ARSL: variants seen among roughly 807,000 people sequenced by gnomAD.
The protein encoded by ARSL is arylsulfatase E (chondrodysplasia punctata 1).
ARSL carries 4 observed loss-of-function variants against 31.1 expected under a neutral mutation model. The ratio of observed to expected loss-of-function variants is 0.13; its 90% CI spans 0.06 to 0.29. The LOEUF is 0.29. ARSL is among the 10% of genes least tolerant of loss of function. The pLI is 1.00. For missense variants in ARSL, 312 were observed against 497.8 expected (o/e 0.63, Z 3.55); for synonymous variants, 198 against 209.9 (o/e 0.94, Z 0.49).
intron 2 of ARSL, among the ~76,000 whole-genome samples, chrX:2,960,134 T>C (rs2089593872): frequency 1.1e-5 from 1 of 89,116 alleles, no homozygotes; most frequent in African/African-American, 4.1e-5. Flanking sequence ...CCGGGCGTGG[T>C]GGCAGGCGCC....
intron 7 of ARSL, among the ~76,000 whole-genome samples, chrX:2,945,211 C>G (rs141088529): frequency 0.015 from 1,671 of 110,703 alleles, 29 homozygotes; most frequent in African/African-American, 0.051. Context: ...GGTGTGGAAG[C>G]CCTGACAGGG....
At chrX:2,949,897 G>A (rs949128602) in intron 5 of ARSL, among the ~76,000 whole-genome samples, 170 bp from the exon 6 acceptor site, 2 of 112,381 alleles carry the variant, frequency 1.8e-5, no homozygotes, top group African/African-American at 3.2e-5. Context: ...TGGCCTCATC[G>A]TTTCAGGGGA....
intron 3 of ARSL, among the ~76,000 whole-genome samples, chrX:2,957,721 A>G (rs1369709665): frequency 7.4e-5 from 8 of 107,706 alleles, no homozygotes; most frequent in Admixed American, 1.0e-4. Context: ...AAAAAAAAAA[A>G]AAAAGAAAAG....
rs2089174585 is a variant in ARSL at position 2,934,886 on chromosome X, G to A, written c.1716C>T (p.Pro572=). ...AGCAGAGGGGGAACGGGCCACAGCA[G>A]GGCTGCAGCCACGGTCTCCAGATGT... ...LGNIWRPWLQ[P]CCGPFPLCWC... is the part of the protein sequence containing the mutation. Residue 572 remains proline, a synonymous_variant, in exon 11 of 11, where the codon CCC becomes CCT. Transcript: ENST00000381134. 1.7e-6 allele frequency: 2 copies of A among 1,201,435 alleles called. No homozygotes were observed. The highest frequency in any genetic ancestry group is 1.1e-6 in the Non-Finnish European group (1 of 889,207).
At chrX:2,939,764 C>T (rs1473086361) in intron 8 of ARSL, among the ~76,000 whole-genome samples, 1 of 108,513 alleles carries the variant, frequency 9.2e-6, no homozygotes, top group Non-Finnish European at 1.9e-5. Context: ...CGGGGCAGCA[C>T]ATTTTAGCAT....
chrX:2,947,576 G>A lies in ARSL; in HGVS notation c.855-1442C>T, dbSNP rs186748581. On this transcript the variant is annotated intron_variant, in intron 6 of 10. Coordinates refer to ENST00000381134, the MANE Select transcript of ARSL (RefSeq NM_000047.3). ...TCTAATCTAGATCCTTGAAGCCTAA[G>A]AGCAATGGTGAAGGTGTTAGCCTTA... 2.7e-5 allele frequency among the ~76,000 whole-genome samples: 3 copies of A among 112,253 alleles called. No homozygotes were observed. The East Asian group carries it at 8.4e-4, about 32-fold the overall frequency.
intron 2 of ARSL, among the ~76,000 whole-genome samples, chrX:2,958,641 G>GT (rs1569109935): frequency 4.4e-4 from 49 of 111,536 alleles, no homozygotes; most frequent in African/African-American, 1.6e-3. Flanking sequence ...AAGTTTTTTG[G>GT]GTTTTTTTTG....
At chrX:2,962,707 A>G (rs2089654145) in intron 1 of ARSL, among the ~76,000 whole-genome samples, 1 of 111,790 alleles carries the variant, frequency 8.9e-6, no homozygotes, top group Non-Finnish European at 1.9e-5. Context: ...GAGAAAGACA[A>G]TGAGCTTTGT....
upstream of ARSL, chrX:2,964,622 C>T (rs181946868): frequency 3.7e-3 from 836 of 224,613 alleles, no homozygotes; most frequent in Non-Finnish European, 4.9e-3. Context: ...CTGCCAGTGT[C>T]CTTAGGTTTT....
At chrX:2,959,850 G>T in intron 2 of ARSL, 1 of 503,038 alleles carries the variant, frequency 2.0e-6, no homozygotes, top group Non-Finnish European at 2.9e-6. Context: ...GAGCCCAGGT[G>T]TTTAAGACCA....
At position 2,949,698 on chromosome X, in the gene ARSL, A is replaced by T. The variant is rs780432313; in HGVS notation, c.460T>A (p.Ser154Thr). ...GGGTGGTGGCAATGATCACTGGCTGACTCACAGTTGAGACCCAGATGCCAT... is the reference window on the plus strand; with the variant it reads ...GGGTGGTGGCAATGATCACTGGCTGTCTCACAGTTGAGACCCAGATGCCAT... ...GKWHLGLNCESASDHCHHPLH... is the reference protein window; with the variant it reads ...GKWHLGLNCETASDHCHHPLH... The change falls in exon 6 of 11, where the codon TCA becomes ACA. Residue 154 changes from serine (S) to threonine (T), a missense_variant. Coordinates refer to ENST00000381134, the MANE Select transcript of ARSL (RefSeq NM_000047.3). 1 of 1,211,398 alleles carries T rather than the reference A, an allele frequency of 8.3e-7. No individual in the cohort carries two copies. Among genetic ancestry groups the T allele is most frequent in the Non-Finnish European group, 1.1e-6 (1 of 895,343 alleles).
upstream of ARSL, chrX:2,968,239 A>T: frequency 1.9e-6 from 2 of 1,079,799 alleles, no homozygotes; most frequent in Non-Finnish European, 2.5e-6. Context: ...CAAAACAGAC[A>T]CGCACTGGCT....
intron 6 of ARSL, among the ~76,000 whole-genome samples, chrX:2,946,655 T>C (rs2089388280): frequency 9.3e-6 from 1 of 107,642 alleles, no homozygotes; most frequent in Non-Finnish European, 1.9e-5. Flanking sequence ...ACCATGCCTT[T>C]CTGGTCTGTT....
intron 3 of ARSL, among the ~76,000 whole-genome samples, chrX:2,956,848 G>A (rs1206340545): frequency 2.7e-5 from 3 of 110,545 alleles, no homozygotes; most frequent in East Asian, 2.9e-4. Context: ...GGGCTCAAGT[G>A]ATCCTCCCAC....
intron 2 of ARSL, among the ~76,000 whole-genome samples, 157 bp downstream of exon 2, chrX:2,960,221 A>G (rs755707222): frequency 1.4e-5 from 1 of 71,598 alleles, no homozygotes; most frequent in East Asian, 4.5e-4. Context: ...GTGAGCCGAG[A>G]TCGCGCCACT....
chrX:2,947,861 G>A (rs1296698176), intron 6 of ARSL, among the ~76,000 whole-genome samples: 1 of 113,180 alleles, frequency 8.8e-6, no homozygotes, highest in Non-Finnish European at 1.9e-5. Flanking sequence ...AGTGGCTCAC[G>A]CCTGTAATCC....
In ARSL at chrX:2,959,409, G is replaced by A. The variant is rs189971958; in HGVS notation, c.23+969C>T. Among the ~76,000 whole-genome samples the A allele has an allele frequency of 0.011, 1,260 of 111,646 alleles. 23 individuals are homozygous for A. The highest frequency in any genetic ancestry group is 0.038 in the African/African-American group (1,176 of 30,714). ...TTTCCGCAGGGGTTGGTGACATACA[G>A]CCTGCCACTATCATTGCTGCCTCTT... On this transcript the variant is annotated intron_variant, in intron 2 of 10. Transcript: ENST00000381134.
chrX:2,968,223 T>A, upstream of ARSL: 1 of 1,133,975 alleles, frequency 8.8e-7, no homozygotes, highest in Non-Finnish European at 1.2e-6. Context: ...AACGTCTTCT[T>A]CCTGCCAAAA....
At position 2,936,647 on chromosome X, in the gene ARSL, T is replaced by C. The variant is rs1472793368; in HGVS notation, c.1411+95A>G. The C allele has an allele frequency of 4.5e-6, 5 of 1,102,759 alleles. No homozygotes were observed. The African/African-American group carries it at 9.1e-5, about 20-fold the overall frequency. The allele number at this position is 1,102,759 out of a possible 1,213,427, so 90.9% of individuals were successfully genotyped here. On this transcript the variant is annotated intron_variant, in intron 10 of 10. Transcript: ENST00000381134. Reference sequence around the variant, plus strand: ...GGAGACATGGAGATGGACTCTGGAATGCAGCTCCATCCCTAGCCTGTTCTA... The same window carrying C: ...GGAGACATGGAGATGGACTCTGGAACGCAGCTCCATCCCTAGCCTGTTCTA...
Sources: allele counts gnomAD v4.1 joint callset (sites outside exome capture counted in the v4.1 genomes callset), GRCh38; gene constraint gnomAD v4.1.1; transcripts MANE v1.5; gene names NCBI Gene and HGNC (gene_info 2026-07-23, HGNC 2026-07-21).